Variants in ZNF276 observed in about 807,000 individuals in gnomAD.
ZNF276 encodes zinc finger protein 276.
In ZNF276, 59 loss-of-function variants were observed where a neutral mutation model predicts 63.9. The ratio of observed to expected loss-of-function variants is 0.92; its 90% CI spans 0.75 to 1.15. The LOEUF is 1.15. Ranked by LOEUF, ZNF276 falls within the 50% of genes most tolerant of loss-of-function variation. The pLI is 0.00. For missense variants in ZNF276, 1,084 were observed against 843.8 expected, an observed-to-expected ratio of 1.28 and a Z score of -3.53; for synonymous variants, 496 against 348.4, an observed-to-expected ratio of 1.42 and a Z score of -4.72.
At chr16:89,729,755 A>G (rs1036052058) in intron 6 of ZNF276, among the ~76,000 whole-genome samples, 1 of 152,044 alleles carries the variant, frequency 6.6e-6, no homozygotes. Context: ...TCATCCTCCC[A>G]GTTCTGACCC....
At chr16:89,721,006 C>G (rs1410756749), upstream of ZNF276, 5 of 804,236 alleles carry the variant, frequency 6.2e-6, no homozygotes, top group East Asian at 7.8e-5. Flanking sequence ...GACGGGCCCC[C>G]TCCGCGCGTA....
At chr16:89,729,455 C>G (rs953396050) in intron 6 of ZNF276, 137 bp downstream of exon 6, 2 of 768,830 alleles carry the variant, frequency 2.6e-6, no homozygotes, top group Non-Finnish European at 4.3e-6. Flanking sequence ...TGAAACGTGG[C>G]TTCCCTCAGT....
In ZNF276 at chr16:89,740,418, T is replaced by C. The variant is rs2151715672; in HGVS notation, c.*2172T>C. ...ACTTTGGGAGGCCGAGGTCGGCGGA[T>C]CACTGAGGCCAGTTCAAGACCAGCC... On this transcript the variant is annotated 3_prime_UTR_variant, in exon 11 of 11. Coordinates refer to ENST00000443381, the MANE Select transcript of ZNF276 (RefSeq NM_001113525.2). 1 of 469,458 alleles carries C rather than the reference T, an allele frequency of 2.1e-6. No individual in the cohort carries two copies. The highest frequency in any genetic ancestry group is 1.9e-5 in the African/African-American group (1 of 51,412). 29.1% of individuals were successfully genotyped at this position (469,458 alleles called of 1,614,324 possible).
Position 89,738,153 on chromosome 16 carries a change from C to A in ZNF276, c.1752C>A (p.Asp584Glu), listed in dbSNP as rs951863002. ...TGCACCCGCTGACACAGACCCAGGA[C>A]AAGGCCCTGCCCCTGGAGGCGGAAC... ...SMVHPLTQTQ[D>E]KALPLEAEPP... Residue 584 changes from aspartate to glutamate, a missense_variant, in exon 11 of 11, where the codon GAC becomes GAA. Asp to Glu is a conservative substitution (Grantham distance 45). Coordinates refer to ENST00000443381, the MANE Select transcript of ZNF276 (RefSeq NM_001113525.2). The A allele has an allele frequency of 1.2e-6, 2 of 1,613,382 alleles. No individual in the cohort carries two copies. Among genetic ancestry groups the A allele is most frequent in the Non-Finnish European group, 1.7e-6 (2 of 1,179,994 alleles).
chr16:89,739,098 G>A lies in ZNF276; in HGVS notation c.*852G>A, dbSNP rs1323517444. ...CAGAAGGAGCCTCCGGCTGGGGGGA[G>A]CTCCCCTGGAGGTGGGACTGGCCCT... On this transcript the variant is annotated 3_prime_UTR_variant, in exon 11 of 11. Coordinates refer to ENST00000443381, the MANE Select transcript of ZNF276 (RefSeq NM_001113525.2). 1 of 1,613,860 alleles carries A rather than the reference G, an allele frequency of 6.2e-7. No homozygotes were observed. Among genetic ancestry groups the A allele is most frequent in the Non-Finnish European group, 8.5e-7 (1 of 1,179,866 alleles).
chr16:89,735,402 TACTG>T lies in ZNF276; in HGVS notation c.1474+1366_1474+1369del, dbSNP rs369493855. 1.7e-3 allele frequency among the ~76,000 whole-genome samples: 258 copies of T among 152,342 alleles called. 2 individuals are homozygous for T. The highest frequency in any genetic ancestry group is 5.5e-3 in the African/African-American group (230 of 41,582). Reference sequence around the variant, plus strand: ...AGAATTATTTATTCTTACTTGAATTTACTGAAGTATTTTTTCATTAGGATTGCTT... The same window carrying T: ...AGAATTATTTATTCTTACTTGAATTTAAGTATTTTTTCATTAGGATTGCTT... On this transcript the variant is annotated intron_variant, in intron 9 of 10. Transcript: ENST00000443381.
intron 4 of ZNF276, among the ~76,000 whole-genome samples, chr16:89,724,900 T>C (rs1033825162): frequency 6.6e-6 from 1 of 152,210 alleles, no homozygotes; most frequent in Non-Finnish European, 1.5e-5. Flanking sequence ...ATGTATCTAC[T>C]TATCTACCTA....
At chr16:89,729,189 C>T in intron 5 of ZNF276, 46 bp from the exon 6 acceptor site, 2 of 1,553,028 alleles carry the variant, frequency 1.3e-6, no homozygotes, top group South Asian at 1.1e-5. Flanking sequence ...GGGTCTGTCA[C>T]TGCCCAGGCC....
intron 9 of ZNF276, among the ~76,000 whole-genome samples, chr16:89,735,081 C>T (rs534285731): frequency 5.3e-5 from 8 of 151,240 alleles, no homozygotes; most frequent in South Asian, 4.2e-4. Flanking sequence ...TGCAGTGAGC[C>T]GAGATCACAC....
upstream of ZNF276, chr16:89,720,547 G>A (rs1202554002): frequency 1.7e-6 from 2 of 1,175,324 alleles, no homozygotes; most frequent in Non-Finnish European, 2.1e-6. Flanking sequence ...CGAGCGGAGT[G>A]GAAAGCCAAG....
intron 9 of ZNF276, among the ~76,000 whole-genome samples, chr16:89,736,037 G>A (rs1188656456): frequency 6.6e-6 from 1 of 152,044 alleles, no homozygotes; most frequent in Admixed American, 6.6e-5. Context: ...GACTACAGGT[G>A]CTGGCCACCA....
chr16:89,734,788 C>G (rs958943701), intron 9 of ZNF276, among the ~76,000 whole-genome samples: 1 of 152,188 alleles, frequency 6.6e-6, no homozygotes, highest in Non-Finnish European at 1.5e-5. Flanking sequence ...AGGGTGCTGT[C>G]TCTGTGCCCG....
intron 9 of ZNF276, among the ~76,000 whole-genome samples, chr16:89,736,788 C>T (rs1240375372): frequency 1.7e-4 from 10 of 59,892 alleles, no homozygotes; most frequent in Non-Finnish European, 3.0e-4. Context: ...GAGCAAGACC[C>T]TGTCTCCAAA....
Position 89,739,039 on chromosome 16 carries a change from CA to C in ZNF276, c.*794del, listed in dbSNP as rs1567592408. On this transcript the variant is annotated 3_prime_UTR_variant, in exon 11 of 11. Coordinates refer to ENST00000443381, the MANE Select transcript of ZNF276 (RefSeq NM_001113525.2). Reference sequence around the variant, plus strand: ...ACAGAAACAGGGCTGGTGTGTCCCCCATAGTCTGCATGCTGTGCCGGAACAT... The same window carrying C: ...ACAGAAACAGGGCTGGTGTGTCCCCCTAGTCTGCATGCTGTGCCGGAACAT... 6.2e-7 allele frequency: 1 copy of C among 1,614,034 alleles called. No homozygotes were observed. The highest frequency in any genetic ancestry group is 8.5e-7 in the Non-Finnish European group (1 of 1,179,926).
rs1448233441 is a variant in ZNF276 at position 89,739,377 on chromosome 16, G to A, written c.*1131G>A. ...AGGGATACTGCTCATCTGTGGAGCAGAGGCACAGACAACCCTTCCCATCTG... is the reference window on the plus strand; with the variant it reads ...AGGGATACTGCTCATCTGTGGAGCAAAGGCACAGACAACCCTTCCCATCTG... On this transcript the variant is annotated 3_prime_UTR_variant, in exon 11 of 11. Transcript: ENST00000443381. 1 of 1,589,748 alleles carries A rather than the reference G, an allele frequency of 6.3e-7. No homozygotes were observed. Among genetic ancestry groups the A allele is most frequent in the Non-Finnish European group, 8.6e-7 (1 of 1,164,440 alleles).
intron 6 of ZNF276, 61 bp from the exon 7 acceptor site, chr16:89,733,241 C>CA: frequency 6.7e-7 from 1 of 1,493,420 alleles, no homozygotes; most frequent in Non-Finnish European, 9.3e-7. Flanking sequence ...GTTGGAGAGA[C>CA]AAAAAACATT....
intron 4 of ZNF276, among the ~76,000 whole-genome samples, chr16:89,724,362 G>A (rs1034739114): frequency 2.0e-5 from 3 of 152,174 alleles, no homozygotes; most frequent in African/African-American, 7.2e-5. Flanking sequence ...GAGTCTTGAG[G>A]GGAGCTTCCG....
intron 9 of ZNF276, among the ~76,000 whole-genome samples, chr16:89,736,391 C>T (rs1180801945): frequency 6.6e-6 from 1 of 150,476 alleles, no homozygotes; most frequent in Non-Finnish European, 1.5e-5. Context: ...GCTGTGCAAT[C>T]TCAGCTCACT....
intron 8 of ZNF276, among the ~76,000 whole-genome samples, 182 bp downstream of exon 8, chr16:89,733,739 C>G (rs981866973): frequency 2.4e-4 from 37 of 151,786 alleles, no homozygotes; most frequent in African/African-American, 8.7e-4. Context: ...GCCAGACTTT[C>G]ACTTGAGACA....
Sources: gnomAD v4.1 joint callset for allele counts (sites outside exome capture counted in the v4.1 genomes callset) on GRCh38, gnomAD v4.1.1 for gene constraint, MANE v1.5 for transcripts, NCBI Gene and HGNC (gene_info 2026-07-23, HGNC 2026-07-21) for gene names.